The following ING1 variants were observed in gnomAD, a reference collection of about 807,000 sequenced individuals.
ING1 encodes the protein inhibitor of growth family member 1, also known as inhibitor of growth protein 1.
A neutral mutation model predicts 23.1 loss-of-function variants in ING1; 4 were observed. The ratio of observed to expected loss-of-function variants is 0.17; its 90% CI spans 0.09 to 0.40. The LOEUF (loss-of-function observed/expected upper bound fraction) is 0.40. Ranked by LOEUF, ING1 falls within the 10% of genes least tolerant of loss-of-function variation. The pLI is 1.00. For missense variants in ING1, 256 were observed against 393.8 expected, an observed-to-expected ratio of 0.65 and a Z score of 2.96; for synonymous variants, 179 against 166.4, an observed-to-expected ratio of 1.08 and a Z score of -0.58.
Position 110,719,818 on chromosome 13 carries a change from G to A in ING1, c.726G>A (p.Gly242=), listed in dbSNP as rs749996318. The A allele has an allele frequency of 4.1e-5, 66 of 1,613,902 alleles. No homozygotes were observed. The highest frequency in any genetic ancestry group is 1.6e-4 in the South Asian group (15 of 91,072). Residue 242 remains glycine (G), a synonymous_variant, in exon 2 of 2, where the codon GGG becomes GGA. Transcript: ENST00000333219. This position sits in a 1 kb window ranked among gnomAD's most constrained non-coding sequence, Gnocchi z 8.9. ...PIEWFHFSCV[G]LNHKPKGKWY... is the part of the protein sequence containing the mutation. ...AGTGGTTCCACTTCTCGTGCGTGGGGCTCAATCATAAACCCAAGGGCAAGT... is the reference window on the plus strand; with the variant it reads ...AGTGGTTCCACTTCTCGTGCGTGGGACTCAATCATAAACCCAAGGGCAAGT...
At position 110,719,758 on chromosome 13, in the gene ING1, G is replaced by A; in HGVS notation, c.666G>A (p.Glu222=). Residue 222 remains glutamate, a synonymous_variant, in exon 2 of 2, where the codon GAG becomes GAA. Transcript: ENST00000333219. This position sits in a 1 kb window ranked among gnomAD's most constrained non-coding sequence, Gnocchi z 8.9. ...YCLCNQVSYG[E]MIGCDNDECP... ...TGTGCAACCAGGTCTCCTATGGGGA[G>A]ATGATCGGCTGCGACAACGACGAGT... is the stretch of plus-strand genomic sequence containing the variant. 1 of 1,614,054 alleles carries A rather than the reference G, an allele frequency of 6.2e-7. No individual in the cohort carries two copies. The highest frequency in any genetic ancestry group is 8.5e-7 in the Non-Finnish European group (1 of 1,180,016).
chr13:110,715,152 G>C, intron 1 of ING1: 1 of 1,163,706 alleles, frequency 8.6e-7, no homozygotes, highest in Non-Finnish European at 1.1e-6. Flanking sequence ...GGAATTGTTG[G>C]CTGTTGGGGA....
At chr13:110,713,002 C>T (rs375842294), upstream of ING1, 8 of 1,543,028 alleles carry the variant, frequency 5.2e-6, no homozygotes, top group Middle Eastern at 1.8e-4. Context: ...CACTCTGCGG[C>T]CGCAGCTCAA....
At chr13:110,712,855 C>G, upstream of ING1, 1 of 1,187,760 alleles carries the variant, frequency 8.4e-7, no homozygotes, top group Non-Finnish European at 1.2e-6. Flanking sequence ...CTCTCAGGCC[C>G]CTTTGTCTCC....
upstream of ING1, chr13:110,713,306 G>T (rs937759970): frequency 6.3e-5 from 75 of 1,195,614 alleles, no homozygotes; most frequent in Non-Finnish European, 7.6e-5. Flanking sequence ...TGTGTACCAT[G>T]GTCTCGGAGG....
At chr13:110,715,390 C>T (rs2064104291) in intron 1 of ING1, 2 of 1,507,740 alleles carry the variant, frequency 1.3e-6, no homozygotes, top group Non-Finnish European at 8.9e-7. Context: ...TTTATAGGAA[C>T]TTCATTAGCA....
chr13:110,714,914 C>A, intron 1 of ING1: 1 of 920,782 alleles, frequency 1.1e-6, no homozygotes, highest in Non-Finnish European at 1.3e-6. Context: ...GGCGACGCCG[C>A]CGGTTGTAGT....
chr13:110,715,911 T>C, intron 1 of ING1: 1 of 1,578,102 alleles, frequency 6.3e-7, no homozygotes, highest in Non-Finnish European at 8.6e-7. Context: ...GGGGCTGCAG[T>C]TCGGACCGCC....
rs1412502894 is a variant in ING1, at chr13:110,719,613, G to A, written c.521G>A (p.Gly174Asp). The stretch of plus-strand genomic sequence containing the variant: ...CACGACCACGACGACGGCGCCTCGG[G>A]CACACCCAAGGAGAAGAAGGCCAAG... ...SNHDHDDGAS[G>D]TPKEKKAKTS... Residue 174 changes from glycine (G) to aspartate (D), a missense_variant, in exon 2 of 2, where the codon GGC becomes GAC. Gly to Asp is a moderately conservative substitution (Grantham distance 94, BLOSUM62 -1). This residue lies in a region of ING1 where 209 missense variants were observed against 273.8 expected (regional missense o/e 0.76). Transcript: ENST00000333219. This position sits in a 1 kb window ranked among gnomAD's most constrained non-coding sequence, Gnocchi z 8.9. 5 of 1,611,736 alleles carry A rather than the reference G, an allele frequency of 3.1e-6. No individual in the cohort carries two copies. The Admixed American group carries it at 8.5e-5, about 27-fold the overall frequency.
chr13:110,712,911 G>T, upstream of ING1: 1 of 1,540,720 alleles, frequency 6.5e-7, no homozygotes. Flanking sequence ...AAGGGAGGGC[G>T]GTGACGGATG....
intron 1 of ING1, chr13:110,715,303 A>C: frequency 7.2e-7 from 1 of 1,380,176 alleles, no homozygotes; most frequent in Non-Finnish European, 9.4e-7. Context: ...ATTGACCGCT[A>C]TCCCCGAAAG....
chr13:110,715,189 T>C, intron 1 of ING1: 1 of 1,239,222 alleles, frequency 8.1e-7, no homozygotes, highest in Non-Finnish European at 1.0e-6. Context: ...CAGTCAAGGC[T>C]TTGGGGGCTC....
Position 110,719,282 on chromosome 13 carries a change from G to C in ING1, c.190G>C (p.Gly64Arg), listed in dbSNP as rs751581279. 5 of 1,612,156 alleles carry C rather than the reference G, an allele frequency of 3.1e-6. No individual in the cohort carries two copies. The South Asian group carries it at 3.3e-5, about 11-fold the overall frequency. Residue 64 changes from glycine (G) to arginine (R), a missense_variant, in exon 2 of 2, where the codon GGG becomes CGG. By Grantham distance (125) the Gly-to-Arg change is moderately radical (BLOSUM62 -2). Around this residue, in one of 3 missense-constraint regions of ING1, gnomAD observed 209 missense variants for 273.8 expected, o/e 0.76. Transcript: ENST00000333219. The surrounding 1 kb of genome is among the most constrained non-coding windows in gnomAD (Gnocchi z 8.9). The stretch of plus-strand genomic sequence containing the variant: ...CGAGCGCTTCAGTCGCGAGACAGAC[G>C]GGGCGCAGAAGCGGCGGATGCTGCA... ...CYERFSRETD[G>R]AQKRRMLHCV...
chr13:110,715,348 C>G, intron 1 of ING1: 1 of 1,467,296 alleles, frequency 6.8e-7, no homozygotes, highest in Non-Finnish European at 9.0e-7. Context: ...CGCCCCTGCG[C>G]GTTCTATCCG....
Position 110,714,108 on chromosome 13 carries a change from C to T in ING1, c.-42C>T, listed in dbSNP as rs765865002. The T allele has an allele frequency of 2.7e-6, 4 of 1,499,046 alleles. No individual in the cohort carries two copies. Among genetic ancestry groups the T allele is most frequent in the Non-Finnish European group, 3.6e-6 (4 of 1,120,916 alleles). The allele number at this position is 1,499,046 out of a possible 1,614,324, so 92.9% of individuals were successfully genotyped here. A position where few individuals can be genotyped will look rare whatever the true frequency, so the allele number is the denominator to read the frequency against. On this transcript the variant is annotated 5_prime_UTR_variant, in exon 1 of 2. Coordinates refer to ENST00000333219, the MANE Select transcript of ING1 (RefSeq NM_198219.3). ...TGAGGGGGGCGGGGGGTGGAGGAAG[C>T]GGAAAGCCGCGCCGAGTCGCCGGGG...
chr13:110,719,576 G>C lies in ING1; in HGVS notation c.484G>C (p.Ala162Pro). Residue 162 changes from alanine to proline, a missense_variant, in exon 2 of 2, where the codon GCG becomes CCG. By Grantham distance (27) the Ala-to-Pro change is conservative. This residue lies in a region of ING1 where 209 missense variants were observed against 273.8 expected (regional missense o/e 0.76). Transcript: ENST00000333219. The surrounding 1 kb of genome is among the most constrained non-coding windows in gnomAD (Gnocchi z 8.9). ...GCGCAACAACGAGAACCGTGAGAAC[G>C]CGTCCAGCAACCACGACCACGACGA... Reference protein sequence around the residue: ...RQRNNENRENASSNHDHDDGA... With the variant: ...RQRNNENRENPSSNHDHDDGA... 1 of 1,611,408 alleles carries C rather than the reference G, an allele frequency of 6.2e-7. No individual in the cohort carries two copies. Among genetic ancestry groups the C allele is most frequent in the Non-Finnish European group, 8.5e-7 (1 of 1,179,280 alleles).
rs2064069183 is a variant in ING1, at chr13:110,713,703, T to G, written c.-447T>G. 3 of 985,104 alleles carry G rather than the reference T, an allele frequency of 3.0e-6. No individual in the cohort carries two copies. The highest frequency in any genetic ancestry group is 2.4e-6 in the Non-Finnish European group (2 of 829,886). 61.0% of individuals were successfully genotyped at this position (985,104 alleles called of 1,614,324 possible). The stretch of plus-strand genomic sequence containing the variant: ...CAAGTGTTTGAAACTGGTATTTGGG[T>G]TTTCCACGTTGGACAAGTGCGGCTC... On this transcript the variant is annotated 5_prime_UTR_variant, in exon 1 of 2. Coordinates refer to ENST00000333219, the MANE Select transcript of ING1 (RefSeq NM_198219.3).
intron 1 of ING1, chr13:110,715,441 G>A: frequency 6.3e-7 from 1 of 1,583,318 alleles, no homozygotes; most frequent in South Asian, 1.1e-5. Flanking sequence ...GTAGTTGGCT[G>A]TGATGTCCTT....
rs2064177819 is a variant in ING1, at chr13:110,722,417, GTAA to G, written c.*2490_*2492del. On this transcript the variant is annotated 3_prime_UTR_variant, in exon 2 of 2. Coordinates refer to ENST00000333219, the MANE Select transcript of ING1 (RefSeq NM_198219.3). ...TTTTTCACTTCTATATTAATTGGAGGTAATAATGCAAATTAAGTTATAGAAATG... is the reference window on the plus strand; with the variant it reads ...TTTTTCACTTCTATATTAATTGGAGGTAATGCAAATTAAGTTATAGAAATG... The G allele has an allele frequency of 6.6e-6, 1 of 152,162 alleles. No homozygotes were observed. Among genetic ancestry groups the G allele is most frequent in the Non-Finnish European group, 1.5e-5 (1 of 68,030 alleles). 9.4% of individuals were successfully genotyped at this position (152,162 alleles called of 1,614,324 possible). A position where few individuals can be genotyped will look rare whatever the true frequency, so the allele number is the denominator to read the frequency against.
Sources: gnomAD v4.1 joint callset for allele counts on GRCh38, gnomAD v4.1.1 for gene constraint, gnomAD v4.1.1 regional missense constraint, Gnocchi (gnomAD v3.1) non-coding constraint, MANE v1.5 for transcripts, NCBI Gene and HGNC (gene_info 2026-07-23, HGNC 2026-07-21) for gene names.